MEIKIN: variants seen among roughly 807,000 people sequenced by gnomAD.
MEIKIN encodes the protein meiotic kinetochore factor, also known as meiosis-specific kinetochore protein.
intron 9 of MEIKIN, among the ~76,000 whole-genome samples, chr5:131,878,290 G>C (rs1397300744): frequency 6.6e-6 from 1 of 152,154 alleles, no homozygotes; most frequent in Non-Finnish European, 1.5e-5. Flanking sequence ...TTGGTTGGCT[G>C]GGCGCGGTGG....
At chr5:131,918,281 T>C (rs564488937) in intron 6 of MEIKIN, among the ~76,000 whole-genome samples, 3 of 152,366 alleles carry the variant, frequency 2.0e-5, no homozygotes, top group South Asian at 4.1e-4. Flanking sequence ...ACCTGATTTA[T>C]TGCTGAATTT....
At position 131,847,196 on chromosome 5, in the gene MEIKIN, G is replaced by A. The variant is rs1750036470; in HGVS notation, c.975+4068C>T. 2.6e-5 allele frequency among the ~76,000 whole-genome samples: 4 copies of A among 152,068 alleles called. No individual in the cohort carries two copies. The South Asian group carries it at 6.2e-4, about 24-fold the overall frequency. On this transcript the variant is annotated intron_variant, in intron 11 of 12. Coordinates refer to ENST00000442687, the MANE Select transcript of MEIKIN (RefSeq NM_001303622.2). Reference sequence around the variant, plus strand: ...ACAATGAGCAAAATGACAAAAATAAGTCTGTCCTTATCAGTAAGTATTTTA... The same window carrying A: ...ACAATGAGCAAAATGACAAAAATAAATCTGTCCTTATCAGTAAGTATTTTA...
At chr5:131,824,610 T>A (rs1252622211) in intron 11 of MEIKIN, among the ~76,000 whole-genome samples, 1 of 152,110 alleles carries the variant, frequency 6.6e-6, no homozygotes, top group Non-Finnish European at 1.5e-5. Context: ...ATGAAAAAGT[T>A]TTTGAAATAA....
intron 5 of MEIKIN, among the ~76,000 whole-genome samples, chr5:131,928,586 T>C (rs959588502): frequency 6.6e-6 from 1 of 152,204 alleles, no homozygotes; most frequent in Admixed American, 6.5e-5. Flanking sequence ...TGTTGTATTA[T>C]TAACATCTTC....
intron 11 of MEIKIN, among the ~76,000 whole-genome samples, chr5:131,822,136 C>A (rs1213220723): frequency 6.6e-6 from 1 of 152,084 alleles, no homozygotes; most frequent in Non-Finnish European, 1.5e-5. Context: ...GATAAAATAT[C>A]TTTTTCCAGC....
At chr5:131,848,176 T>G (rs539362553) in intron 11 of MEIKIN, among the ~76,000 whole-genome samples, 1 of 151,966 alleles carries the variant, frequency 6.6e-6, no homozygotes, top group South Asian at 2.1e-4. Flanking sequence ...ATAATAAAGA[T>G]TAGAGCAGAC....
At chr5:131,925,351 T>G (rs1279405495) in intron 5 of MEIKIN, among the ~76,000 whole-genome samples, 5 of 152,226 alleles carry the variant, frequency 3.3e-5, no homozygotes, top group African/African-American at 4.8e-5. Flanking sequence ...TGCATCAAAT[T>G]TGTAGACTGC....
intron 10 of MEIKIN, among the ~76,000 whole-genome samples, chr5:131,854,274 T>C (rs910501885): frequency 3.3e-5 from 5 of 152,130 alleles, no homozygotes; most frequent in South Asian, 2.1e-4. Flanking sequence ...TTATATGAGG[T>C]ACCTAGAGTA....
At chr5:131,851,542 C>T (rs553027932) in intron 10 of MEIKIN, among the ~76,000 whole-genome samples, 159 bp from the exon 11 acceptor site, 1 of 152,186 alleles carries the variant, frequency 6.6e-6, no homozygotes, top group Non-Finnish European at 1.5e-5. Context: ...TAATTACTGA[C>T]ATTTGGACAT....
intron 12 of MEIKIN, among the ~76,000 whole-genome samples, chr5:131,817,940 G>A (rs960614460): frequency 1.3e-5 from 2 of 152,122 alleles, no homozygotes; most frequent in Non-Finnish European, 2.9e-5. Context: ...GAAGCATAGT[G>A]AGGGGAGATG....
At chr5:131,876,039 A>T (rs1388055666) in intron 9 of MEIKIN, among the ~76,000 whole-genome samples, 1 of 152,208 alleles carries the variant, frequency 6.6e-6, no homozygotes, top group Non-Finnish European at 1.5e-5. Flanking sequence ...AGCCATAAAA[A>T]CCCTAGAAGA....
chr5:131,867,605 C>G (rs1366207398), intron 9 of MEIKIN, among the ~76,000 whole-genome samples: 1 of 152,196 alleles, frequency 6.6e-6, no homozygotes, highest in Non-Finnish European at 1.5e-5. Flanking sequence ...TCCAGAACAT[C>G]ATATGGTTGG....
intron 3 of MEIKIN, among the ~76,000 whole-genome samples, chr5:131,944,216 C>T (rs1751922047): frequency 6.6e-6 from 1 of 151,668 alleles, no homozygotes; most frequent in African/African-American, 2.4e-5. Context: ...TGCTGTACAA[C>T]TTTAAAATAT....
intron 12 of MEIKIN, 125 bp from the exon 13 acceptor site, chr5:131,807,383 C>CCTTA (rs767821748): frequency 1.8e-5 from 7 of 394,744 alleles, no homozygotes; most frequent in Non-Finnish European, 2.7e-5. Flanking sequence ...GCCCATCAAG[C>CCTTA]CTTAGGAAAC....
intron 11 of MEIKIN, among the ~76,000 whole-genome samples, chr5:131,834,561 A>G (rs1379755613): frequency 1.3e-5 from 2 of 152,190 alleles, no homozygotes; most frequent in African/African-American, 2.4e-5. Context: ...TATTCCACAT[A>G]TAAGTGAGAT....
At chr5:131,818,913 T>G (rs2149602530) in intron 11 of MEIKIN, 50 bp from the exon 12 acceptor site, 1 of 394,178 alleles carries the variant, frequency 2.5e-6, no homozygotes. Context: ...AATACTACAT[T>G]TGTATGTTGC....
chr5:131,933,724 G>A (rs967021836), intron 4 of MEIKIN, 83 bp from the exon 5 acceptor site: 8 of 391,844 alleles, frequency 2.0e-5, no homozygotes, highest in African/African-American at 1.7e-4. Flanking sequence ...GTATGGAAAT[G>A]TACATGCTTA....
intron 10 of MEIKIN, among the ~76,000 whole-genome samples, 154 bp downstream of exon 10, chr5:131,854,600 T>C (rs570655361): frequency 6.6e-6 from 1 of 152,314 alleles, no homozygotes; most frequent in Non-Finnish European, 1.5e-5. Context: ...TATAGTAGTA[T>C]ACAAAGTACT....
At chr5:131,935,295 A>T (rs553478530) in intron 4 of MEIKIN, among the ~76,000 whole-genome samples, 1 of 150,712 alleles carries the variant, frequency 6.6e-6, no homozygotes, top group African/African-American at 2.4e-5. Context: ...AAAAAGAAAG[A>T]AAGAAAAACC....
Sources: allele counts gnomAD v4.1 joint callset (sites outside exome capture counted in the v4.1 genomes callset), GRCh38; gene constraint gnomAD v4.1.1; transcripts MANE v1.5; gene names NCBI Gene and HGNC (gene_info 2026-07-23, HGNC 2026-07-21).